Variants in MGA observed in about 807,000 individuals in gnomAD.
MGA encodes the protein MAX dimerization protein MGA.
A neutral mutation model predicts 261.1 loss-of-function variants in MGA; 40 were observed. The ratio of observed to expected loss-of-function variants is 0.15; its 90% CI spans 0.12 to 0.20. The LOEUF (loss-of-function observed/expected upper bound fraction) is 0.20, where lower values mean the gene tolerates loss of function less well. Ranked by LOEUF, MGA falls within the 10% of genes least tolerant of loss-of-function variation. MGA has a pLI of 1.00. For synonymous variants in MGA, 1,302 were observed against 1,290.6 expected, an observed-to-expected ratio of 1.01 and a Z score of -0.19; for missense variants, 3,397 against 3,630.5, an observed-to-expected ratio of 0.94 and a Z score of 1.65.
chr15:41,719,675 G>C (rs1051463218), intron 9 of MGA, among the ~76,000 whole-genome samples: 6 of 152,262 alleles, frequency 3.9e-5, no homozygotes, highest in Non-Finnish European at 7.4e-5. Context: ...CTGGGAGGCA[G>C]AGGTTGCAGT....
intron 5 of MGA, 56 bp downstream of exon 5, chr15:41,699,215 G>C: frequency 8.8e-7 from 1 of 1,138,984 alleles, no homozygotes; most frequent in Non-Finnish European, 1.2e-6. Context: ...CTTCCCTACT[G>C]TTTCTCCTCT....
Position 41,749,107 on chromosome 15 carries a change from C to A in MGA, c.5504-4C>A. The A allele has an allele frequency of 6.2e-7, 1 of 1,601,030 alleles. No homozygotes were observed. The highest frequency in any genetic ancestry group is 2.2e-5 in the East Asian group (1 of 44,726). On this transcript the variant is annotated splice_region_variant and splice_polypyrimidine_tract_variant and intron_variant, in intron 16 of 23. Coordinates refer to ENST00000219905, the MANE Select transcript of MGA (RefSeq NM_001164273.2). ...AAAAATTTCTCTCTTATTTTTTAAA[C>A]CAGGGTCTGTGATGGGAATCCGGTT...
In MGA at chr15:41,654,083, C is replaced by CTTG. The variant is rs1313143787; in HGVS notation, c.-67-14744_-67-14743insTGT. Among the ~76,000 whole-genome samples the CTTG allele has an allele frequency of 9.2e-5, 14 of 151,724 alleles. No homozygotes were observed. In the East Asian group the frequency reaches 2.7e-3, roughly 29 times the overall value. On this transcript the variant is annotated intron_variant, in intron 1 of 8. Coordinates refer to the MGA transcript ENST00000566718. ...GATGTCTCTTGGCTAATATCCTCTT[C>CTTG]TGTATTGTTACTGATGAGGAGAAGC...
intron 1 of MGA, among the ~76,000 whole-genome samples, chr15:41,660,825 G>T (rs1448993311): frequency 2.0e-5 from 3 of 152,186 alleles, no homozygotes; most frequent in Non-Finnish European, 4.4e-5. Context: ...GGTGAGAAGC[G>T]CCCATGGCTC....
In MGA at chr15:41,739,291, G is replaced by A. The variant is rs116653275; in HGVS notation, c.4435-762G>A. 6.9e-3 allele frequency among the ~76,000 whole-genome samples: 1,050 copies of A among 152,154 alleles called. 14 individuals are homozygous for A. The highest frequency in any genetic ancestry group is 0.024 in the African/African-American group (1,000 of 41,506). On this transcript the variant is annotated intron_variant, in intron 13 of 23. Transcript: ENST00000219905. Reference sequence around the variant, plus strand: ...TTATGTCTAGAATAAGAATGAGTTCGTACCAACATTCAGTTTGAACCCATG... The same window carrying A: ...TTATGTCTAGAATAAGAATGAGTTCATACCAACATTCAGTTTGAACCCATG...
intron 3 of MGA, among the ~76,000 whole-genome samples, chr15:41,697,524 C>G (rs1268351667): frequency 1.3e-5 from 2 of 150,644 alleles, no homozygotes; most frequent in Non-Finnish European, 2.9e-5. Flanking sequence ...TCAAGCCATT[C>G]TCGTGCCCCA....
intron 1 of MGA, among the ~76,000 whole-genome samples, chr15:41,649,780 A>T (rs1455040621): frequency 6.6e-6 from 1 of 152,178 alleles, no homozygotes; most frequent in African/African-American, 2.4e-5. Flanking sequence ...CCCAGGTTCA[A>T]GTGATTCTCC....
At chr15:41,691,019 T>C (rs1334091602) in intron 2 of MGA, among the ~76,000 whole-genome samples, 1 of 136,776 alleles carries the variant, frequency 7.3e-6, no homozygotes, top group Non-Finnish European at 1.6e-5. Context: ...TTTTGGTGGC[T>C]CCCTTGCATT....
chr15:41,662,026 A>T (rs890169436), intron 1 of MGA, among the ~76,000 whole-genome samples: 3 of 151,734 alleles, frequency 2.0e-5, no homozygotes, highest in African/African-American at 7.3e-5. Context: ...TTTGTGGGTC[A>T]TTAATAGTCG....
At chr15:41,727,967 G>A (rs751616176) in intron 10 of MGA, among the ~76,000 whole-genome samples, 3 of 152,106 alleles carry the variant, frequency 2.0e-5, no homozygotes, top group Non-Finnish European at 2.9e-5. Context: ...CCTATACTAC[G>A]ATGCTACTGA....
At chr15:41,733,478 C>T (rs1331320550) in intron 11 of MGA, among the ~76,000 whole-genome samples, 1 of 152,178 alleles carries the variant, frequency 6.6e-6, no homozygotes, top group Admixed American at 6.5e-5. Context: ...TACACCTCTT[C>T]CCTTTCCATG....
At chr15:41,748,581 T>C (rs2062645725) in intron 15 of MGA, 56 bp from the exon 16 acceptor site, 1 of 1,540,474 alleles carries the variant, frequency 6.5e-7, no homozygotes, top group Admixed American at 2.0e-5. Context: ...TACTTTTTTT[T>C]CCTACGTGTG....
chr15:41,669,359 G>A lies in MGA; in HGVS notation c.465G>A (p.Arg155=). ...AGGCTGAACCTCATGTTTTGGGGAG[G>A]GTTTTCATTCATCCAGAATCTCCTT... Residue 155 remains arginine (R), a synonymous_variant, in exon 2 of 24, where the codon AGG becomes AGA. Coordinates refer to ENST00000219905, the MANE Select transcript of MGA (RefSeq NM_001164273.2). 6.2e-7 allele frequency: 1 copy of A among 1,613,924 alleles called. No homozygotes were observed. The highest frequency in any genetic ancestry group is 1.1e-5 in the South Asian group (1 of 91,076).
At chr15:41,734,356 G>GT (rs1268566775) in intron 11 of MGA, among the ~76,000 whole-genome samples, 166 bp from the exon 12 acceptor site, 48 of 152,168 alleles carry the variant, frequency 3.2e-4, no homozygotes, top group African/African-American at 1.1e-3. Context: ...TTTACCCAGG[G>GT]TTTTATATGA....
chr15:41,745,553 CAT>C (rs913102521), intron 15 of MGA, among the ~76,000 whole-genome samples: 12 of 151,028 alleles, frequency 7.9e-5, no homozygotes, highest in East Asian at 7.7e-4. Flanking sequence ...TGAGGAAAAA[CAT>C]GTAGATATAT....
intron 1 of MGA, among the ~76,000 whole-genome samples, chr15:41,667,850 C>G (rs1032777842): frequency 3.3e-5 from 5 of 152,278 alleles, no homozygotes; most frequent in African/African-American, 7.2e-5. Context: ...GTCACCCAGG[C>G]TGGAGTGCAG....
intron 1 of MGA, among the ~76,000 whole-genome samples, chr15:41,621,876 A>G (rs1234268028): frequency 6.6e-6 from 1 of 152,120 alleles, no homozygotes; most frequent in Non-Finnish European, 1.5e-5. Flanking sequence ...CGGCCTGTAA[A>G]TTCTGGCCGC....
intron 9 of MGA, among the ~76,000 whole-genome samples, chr15:41,714,708 G>T (rs189821310): frequency 6.6e-6 from 1 of 152,242 alleles, no homozygotes; most frequent in Non-Finnish European, 1.5e-5. Flanking sequence ...GCGTAGGCTG[G>T]TCTTGAACTC....
chr15:41,640,212 G>A (rs1285536614), intron 1 of MGA, among the ~76,000 whole-genome samples: 3 of 152,114 alleles, frequency 2.0e-5, no homozygotes, highest in Admixed American at 6.6e-5. Context: ...TAAATGCAAA[G>A]GTTCAGATAA....
Sources: allele counts gnomAD v4.1 joint callset (sites outside exome capture counted in the v4.1 genomes callset), GRCh38; gene constraint gnomAD v4.1.1; transcripts MANE v1.5; gene names NCBI Gene and HGNC (gene_info 2026-07-23, HGNC 2026-07-21).